The following PDCD11 variants were observed in gnomAD, a reference collection of about 807,000 sequenced individuals.
PDCD11 encodes the protein protein RRP5 homolog.
In PDCD11, 97 loss-of-function variants were observed where a neutral mutation model predicts 198.9. That is an observed-to-expected ratio of 0.49 (90% confidence interval 0.41 to 0.58). The LOEUF (loss-of-function observed/expected upper bound fraction) is 0.58. Among genes scored for constraint, PDCD11 ranks in the 20% least tolerant of loss-of-function variants. PDCD11 has a pLI of 0.00. For synonymous variants in PDCD11, 893 were observed against 918.0 expected (o/e 0.97, Z 0.49); for missense variants, 2,102 against 2,312.7 (o/e 0.91, Z 1.87).
chr10:103,406,724 T>C lies in PDCD11; in HGVS notation c.804T>C (p.Thr268=). The C allele has an allele frequency of 6.2e-7, 1 of 1,614,188 alleles. No individual in the cohort carries two copies. The highest frequency in any genetic ancestry group is 1.1e-5 in the South Asian group (1 of 91,086). Residue 268 remains threonine, a synonymous_variant, in exon 7 of 36, where the codon ACT becomes ACC. Transcript: ENST00000369797. ...GHSEVSTAIA[T]EQQSWNLNNL... is the part of the protein sequence containing the mutation. ...CAGAGGTTTCTACGGCCATTGCTAC[T>C]GAACAGCAGAGCTGGAACCTTAATA... is the stretch of plus-strand genomic sequence containing the variant.
At chr10:103,439,042 T>C (rs768496227) in intron 27 of PDCD11, among the ~76,000 whole-genome samples, 2 of 152,190 alleles carry the variant, frequency 1.3e-5, no homozygotes, top group Non-Finnish European at 2.9e-5. Flanking sequence ...ATTTCTGTTC[T>C]AAGTAAGTCT....
At chr10:103,403,316 G>GA (rs1229967160) in intron 4 of PDCD11, 31 bp downstream of exon 4, 1 of 1,586,782 alleles carries the variant, frequency 6.3e-7, no homozygotes, top group South Asian at 1.1e-5. Context: ...GCCTGTTATT[G>GA]AAAATAAGTG....
Position 103,418,302 on chromosome 10 carries a change from T to C in PDCD11, c.1912-138T>C. 4 of 681,688 alleles carry C rather than the reference T, an allele frequency of 5.9e-6. No homozygotes were observed. In the South Asian group the frequency reaches 7.4e-5, roughly 13 times the overall value. 42.2% of individuals were successfully genotyped at this position (681,688 alleles called of 1,614,324 possible). A position where few individuals can be genotyped will look rare whatever the true frequency, so the allele number is the denominator to read the frequency against. ...CATGCATGCTGGGTGGTTGGGGTGG[T>C]GGGTGGGGTTTGGAAGAAAGCTGCC... On this transcript the variant is annotated intron_variant, in intron 14 of 35. Transcript: ENST00000369797.
In PDCD11 at chr10:103,434,724, TG is replaced by T. The variant is rs2032078864; in HGVS notation, c.3668-73del. 6.2e-6 allele frequency: 8 copies of T among 1,285,024 alleles called. No individual in the cohort carries two copies. In the East Asian group the frequency reaches 2.0e-4, roughly 32 times the overall value. 79.6% of individuals were successfully genotyped at this position (1,285,024 alleles called of 1,614,324 possible). A position where few individuals can be genotyped will look rare whatever the true frequency, so the allele number is the denominator to read the frequency against. ...TGGGCAGCCTCCACCTTCCCCAGCC[TG>T]TGTGTGGCTGGCATTCCCGCTCCTC... On this transcript the variant is annotated intron_variant, in intron 24 of 35. Transcript: ENST00000369797.
chr10:103,413,751 A>T (rs1207825095), intron 9 of PDCD11, among the ~76,000 whole-genome samples: 2 of 152,252 alleles, frequency 1.3e-5, no homozygotes, highest in Non-Finnish European at 2.9e-5. Context: ...CACTAGGCAC[A>T]GTTGACTGAC....
chr10:103,440,592 G>A lies in PDCD11; in HGVS notation c.4440+11G>A. 2 of 1,609,226 alleles carry A rather than the reference G, an allele frequency of 1.2e-6. No individual in the cohort carries two copies. Among genetic ancestry groups the A allele is most frequent in the Non-Finnish European group, 1.7e-6 (2 of 1,178,400 alleles). Reference sequence around the variant, plus strand: ...TCTGGGAGTGAGCAGGTGAGGTCCTGCGGAGGGCTGTGGCTGCCTATCCTC... The same window carrying A: ...TCTGGGAGTGAGCAGGTGAGGTCCTACGGAGGGCTGTGGCTGCCTATCCTC... On this transcript the variant is annotated intron_variant, in intron 29 of 35. Coordinates refer to ENST00000369797, the MANE Select transcript of PDCD11 (RefSeq NM_014976.2).
chr10:103,427,443 A>G (rs1017772307), intron 21 of PDCD11, 52 bp downstream of exon 21: 13 of 1,374,150 alleles, frequency 9.5e-6, no homozygotes, highest in Non-Finnish European at 1.3e-5. Flanking sequence ...TGGGCTTTGG[A>G]ATTAGGAATC....
chr10:103,432,117 T>A lies in PDCD11; in HGVS notation c.3369-12T>A. ...GATGGGTTTACTGTTTACATTTCCTTTCTGCAAACAGTGAGCTGGAGGATG... is the reference window on the plus strand; with the variant it reads ...GATGGGTTTACTGTTTACATTTCCTATCTGCAAACAGTGAGCTGGAGGATG... On this transcript the variant is annotated splice_polypyrimidine_tract_variant and intron_variant, in intron 21 of 35. Coordinates refer to ENST00000369797, the MANE Select transcript of PDCD11 (RefSeq NM_014976.2). 1 of 1,593,654 alleles carries A rather than the reference T, an allele frequency of 6.3e-7. No individual in the cohort carries two copies. Among genetic ancestry groups the A allele is most frequent in the Non-Finnish European group, 8.6e-7 (1 of 1,161,378 alleles).
chr10:103,443,797 T>C, intron 33 of PDCD11, 118 bp from the exon 34 acceptor site: 1 of 1,012,852 alleles, frequency 9.9e-7, no homozygotes, highest in Non-Finnish European at 1.5e-6. Context: ...CATTAGGCCC[T>C]GAGAGTGATT....
chr10:103,436,387 T>C (rs1015148160), intron 25 of PDCD11, among the ~76,000 whole-genome samples: 5 of 152,176 alleles, frequency 3.3e-5, no homozygotes, highest in African/African-American at 1.2e-4. Flanking sequence ...ACCCAGCCAA[T>C]TGGAGTTTTA....
rs771326626 is a variant in PDCD11 at position 103,432,160 on chromosome 10, A to G, written c.3400A>G (p.Thr1134Ala). ...GGAGGATGGCCACACTGCTCTTAAC[A>G]CTCACTCTGTTAGCCCCATGGAGAA... The part of the protein sequence containing the change: ...ELEDGHTALN[T>A]HSVSPMEKIK... Residue 1134 changes from threonine to alanine, a missense_variant, in exon 22 of 36, where the codon ACT becomes GCT. Coordinates refer to ENST00000369797, the MANE Select transcript of PDCD11 (RefSeq NM_014976.2). The G allele has an allele frequency of 6.2e-7, 1 of 1,613,830 alleles. No homozygotes were observed. Among genetic ancestry groups the G allele is most frequent in the East Asian group, 2.2e-5 (1 of 44,876 alleles).
In PDCD11 at chr10:103,403,236, C is replaced by T. The variant is rs1341460698; in HGVS notation, c.353C>T (p.Ala118Val). 2.5e-6 allele frequency: 4 copies of T among 1,614,126 alleles called. No homozygotes were observed. The South Asian group carries it at 4.4e-5, about 18-fold the overall frequency. ...GTGCAAGTCACTGAAATCTGTGATG[C>T]CTACACCAAAAAGCTGAATGAGCAG... ...GFVQVTEICDAYTKKLNEQVT... is the reference protein window; with the variant it reads ...GFVQVTEICDVYTKKLNEQVT... The change falls in exon 4 of 36, where the codon GCC (alanine) becomes GTC (valine). Residue 118 changes from alanine to valine, a missense_variant. By Grantham distance (64) the Ala-to-Val change is moderately conservative. Coordinates refer to ENST00000369797, the MANE Select transcript of PDCD11 (RefSeq NM_014976.2).
chr10:103,417,283 T>C (rs1323252721), intron 13 of PDCD11, among the ~76,000 whole-genome samples: 1 of 152,126 alleles, frequency 6.6e-6, no homozygotes, highest in Admixed American at 6.5e-5. Flanking sequence ...GTGATTCTCG[T>C]GCTTCAGCCA....
chr10:103,418,400 C>G (rs1314469021), intron 14 of PDCD11, 40 bp from the exon 15 acceptor site: 1 of 1,526,554 alleles, frequency 6.6e-7, no homozygotes, highest in Non-Finnish European at 9.0e-7. Context: ...GTTCTCTGTT[C>G]ATGACAAGTG....
chr10:103,411,470 ATCCT>A (rs923521915), intron 8 of PDCD11, among the ~76,000 whole-genome samples: 2 of 152,116 alleles, frequency 1.3e-5, no homozygotes, highest in Non-Finnish European at 2.9e-5. Context: ...GGTTCAGGCG[ATCCT>A]TCCACCTCAG....
At chr10:103,426,104 G>A (rs774524773) in intron 20 of PDCD11, among the ~76,000 whole-genome samples, 7 of 152,214 alleles carry the variant, frequency 4.6e-5, no homozygotes, top group Non-Finnish European at 8.8e-5. Context: ...AATTTGTAAC[G>A]TGAGAGTCAT....
chr10:103,442,998 T>C (rs2032453520), intron 32 of PDCD11, among the ~76,000 whole-genome samples, 167 bp from the exon 33 acceptor site: 1 of 152,106 alleles, frequency 6.6e-6, no homozygotes, highest in South Asian at 2.1e-4. Context: ...GGGTTTCTAA[T>C]GCTGCAGGAG....
intron 30 of PDCD11, among the ~76,000 whole-genome samples, chr10:103,441,102 A>C (rs1199161200): frequency 6.6e-6 from 1 of 152,150 alleles, no homozygotes; most frequent in Non-Finnish European, 1.5e-5. Context: ...GAGAAAGAGG[A>C]GGCTGAGCCG....
intron 14 of PDCD11, 80 bp downstream of exon 14, chr10:103,418,012 A>G (rs2031208551): frequency 6.7e-7 from 1 of 1,502,708 alleles, no homozygotes; most frequent in Admixed American, 1.9e-5. Flanking sequence ...GCATATTGGA[A>G]CCCACGAAGC....
Sources: allele counts gnomAD v4.1 joint callset (sites outside exome capture counted in the v4.1 genomes callset), GRCh38; gene constraint gnomAD v4.1.1; transcripts MANE v1.5; gene names NCBI Gene and HGNC (gene_info 2026-07-23, HGNC 2026-07-21).